ACSS1: variants seen among roughly 807,000 people sequenced by gnomAD.
The protein encoded by ACSS1 is acyl-CoA synthetase short chain family member 1, also known as acetyl-coenzyme A synthetase 2-like, mitochondrial.
In ACSS1, 42 loss-of-function variants were observed where a neutral mutation model predicts 75.3. That is an observed-to-expected ratio of 0.56 (90% CI 0.44 to 0.72). The LOEUF (loss-of-function observed/expected upper bound fraction) is 0.72, where lower values mean the gene tolerates loss of function less well. ACSS1 is among the 30% of genes least tolerant of loss of function. ACSS1 has a pLI of 0.00. For synonymous variants in ACSS1, 380 were observed against 376.8 expected, an observed-to-expected ratio of 1.01 and a Z score of -0.10; for missense variants, 782 against 935.7, an observed-to-expected ratio of 0.84 and a Z score of 2.14.
intron 2 of ACSS1, among the ~76,000 whole-genome samples, chr20:25,036,540 CTG>C (rs2088911202): frequency 6.6e-6 from 1 of 150,598 alleles, no homozygotes; most frequent in South Asian, 2.1e-4. Context: ...ATTTTTTCAT[CTG>C]TCTTTCAATC....
chr20:25,035,224 G>C (rs534580887), intron 2 of ACSS1, among the ~76,000 whole-genome samples: 1 of 152,108 alleles, frequency 6.6e-6, no homozygotes, highest in African/African-American at 2.4e-5. Context: ...ATACCTGACA[G>C]GTGGCTCAAA....
At chr20:25,026,716 A>G (rs1363167306) in intron 3 of ACSS1, among the ~76,000 whole-genome samples, 2 of 152,256 alleles carry the variant, frequency 1.3e-5, no homozygotes, top group Non-Finnish European at 2.9e-5. Flanking sequence ...AAACCAAAAC[A>G]GCCCCTCATT....
At position 25,017,906 on chromosome 20, in the gene ACSS1, G is replaced by C. The variant is rs1249160016; in HGVS notation, c.1246+2104C>G. Among the ~76,000 whole-genome samples, 3 of 152,218 alleles carry C rather than the reference G, an allele frequency of 2.0e-5. No individual in the cohort carries two copies. The East Asian group carries it at 5.8e-4, about 29-fold the overall frequency. On this transcript the variant is annotated intron_variant, in intron 7 of 13. Transcript: ENST00000323482. ...GCCTAGGGCCCACTCAGGTGGCCCT[G>C]CTGACAACACCTAGAGGATCTGGGC...
intron 7 of ACSS1, among the ~76,000 whole-genome samples, chr20:25,017,592 A>C (rs1272235068): frequency 1.3e-5 from 2 of 152,218 alleles, no homozygotes; most frequent in Non-Finnish European, 2.9e-5. Flanking sequence ...CAACAGGAAT[A>C]GGAATGTGCC....
Position 25,007,101 on chromosome 20 carries a change from A to C in ACSS1, c.*661T>G. 1 of 1,408,852 alleles carries C rather than the reference A, an allele frequency of 7.1e-7. No individual in the cohort carries two copies. The highest frequency in any genetic ancestry group is 9.2e-7 in the Non-Finnish European group (1 of 1,083,656). 87.3% of individuals were successfully genotyped at this position (1,408,852 alleles called of 1,614,324 possible). On this transcript the variant is annotated 3_prime_UTR_variant, in exon 14 of 14. Transcript: ENST00000323482. Reference sequence around the variant, plus strand: ...CACAGGAGAAACACTCACCAGGAAAAGATGCCGGAGGCTTGGAAGTTCTCA... The same window carrying C: ...CACAGGAGAAACACTCACCAGGAAACGATGCCGGAGGCTTGGAAGTTCTCA...
intron 9 of ACSS1, 46 bp downstream of exon 9, chr20:25,013,915 G>A: frequency 6.4e-7 from 1 of 1,571,936 alleles, no homozygotes; most frequent in Non-Finnish European, 8.7e-7. Flanking sequence ...GCAGGGACAA[G>A]GGAGGGCAAG....
intron 2 of ACSS1, chr20:25,032,281 G>T: frequency 8.5e-7 from 1 of 1,172,208 alleles, no homozygotes; most frequent in Non-Finnish European, 1.1e-6. Context: ...ATTGGCTCAG[G>T]GCCGACACGT....
At chr20:25,023,700 C>T in intron 3 of ACSS1, 59 bp from the exon 4 acceptor site, 1 of 1,473,634 alleles carries the variant, frequency 6.8e-7, no homozygotes, top group Non-Finnish European at 9.1e-7. Context: ...ACCCTCATAG[C>T]TCTGACTCAC....
intron 3 of ACSS1, among the ~76,000 whole-genome samples, chr20:25,026,928 A>C (rs2088729422): frequency 6.6e-6 from 1 of 152,246 alleles, no homozygotes; most frequent in South Asian, 2.1e-4. Context: ...CTAAATCCCC[A>C]CATGATGAAG....
intron 3 of ACSS1, among the ~76,000 whole-genome samples, chr20:25,025,732 C>G (rs1317997984): frequency 6.6e-6 from 1 of 152,184 alleles, no homozygotes; most frequent in Non-Finnish European, 1.5e-5. Flanking sequence ...TCAGCGACTA[C>G]AGCCACCACC....
At chr20:25,020,969 T>C (rs1006167246) in intron 6 of ACSS1, among the ~76,000 whole-genome samples, 14 of 152,238 alleles carry the variant, frequency 9.2e-5, no homozygotes, top group African/African-American at 2.9e-4. Flanking sequence ...TTCTAGGCCA[T>C]GCCTAACATG....
At chr20:25,047,723 G>C (rs2089118109) in intron 2 of ACSS1, among the ~76,000 whole-genome samples, 1 of 152,140 alleles carries the variant, frequency 6.6e-6, no homozygotes, top group South Asian at 2.1e-4. Context: ...AAGCAGCTTG[G>C]GGAAGGCCAG....
At chr20:25,033,749 A>G (rs1007881) in intron 2 of ACSS1, among the ~76,000 whole-genome samples, 49,748 of 152,120 alleles carry the variant, frequency 0.33, 8,921 homozygotes, top group African/African-American at 0.45. Flanking sequence ...GAGCAGCTCA[A>G]CTTGGTGGTA....
At chr20:25,013,868 C>T in intron 9 of ACSS1, 93 bp downstream of exon 9, 1 of 1,407,956 alleles carries the variant, frequency 7.1e-7, no homozygotes, top group Non-Finnish European at 9.8e-7. Flanking sequence ...CTGCCAGGTA[C>T]AGACCTGGGC....
chr20:25,055,513 C>T (rs1349478437), intron 1 of ACSS1, among the ~76,000 whole-genome samples: 1 of 152,214 alleles, frequency 6.6e-6, no homozygotes, highest in African/African-American at 2.4e-5. Flanking sequence ...CCTTCATCTG[C>T]CCTGGTTTGA....
In ACSS1 at chr20:25,030,923, G is replaced by A. The variant is rs749513175; in HGVS notation, c.467C>T (p.Thr156Met). The A allele has an allele frequency of 2.5e-5, 40 of 1,614,082 alleles. No homozygotes were observed. Among genetic ancestry groups the A allele is most frequent in the Middle Eastern group, 1.6e-4 (1 of 6,082 alleles). The part of the protein sequence containing the change: ...LLETTCRLAN[T>M]LKRHGVHRGD... ...ACGGTGGACTCCATGCCTCTTCAGC[G>A]TGTTGGCCAGGCGGCACGTGGTCTC... The change falls in exon 3 of 14, where the codon ACG (threonine) becomes ATG (methionine). Residue 156 changes from threonine to methionine, a missense_variant. This residue lies in a region of ACSS1 where 377 missense variants were observed against 383.1 expected (regional missense o/e 0.98). Coordinates refer to ENST00000323482, the MANE Select transcript of ACSS1 (RefSeq NM_032501.4).
chr20:25,051,175 C>G (rs2089169685), intron 1 of ACSS1, among the ~76,000 whole-genome samples: 1 of 152,228 alleles, frequency 6.6e-6, no homozygotes, highest in Non-Finnish European at 1.5e-5. Context: ...AAGGCGCTCA[C>G]TCTCCCGAGC....
chr20:25,055,536 A>C (rs1262241696), intron 1 of ACSS1, among the ~76,000 whole-genome samples: 1 of 152,218 alleles, frequency 6.6e-6, no homozygotes, highest in Non-Finnish European at 1.5e-5. Context: ...CGTACAGGCC[A>C]GTGGTTCTCA....
chr20:25,007,146 G>T lies in ACSS1; in HGVS notation c.*616C>A. 3 of 1,330,794 alleles carry T rather than the reference G, an allele frequency of 2.3e-6. No individual in the cohort carries two copies. The South Asian group carries it at 6.3e-5, about 28-fold the overall frequency. 82.4% of individuals were successfully genotyped at this position (1,330,794 alleles called of 1,614,324 possible). A position where few individuals can be genotyped will look rare whatever the true frequency, so the allele number is the denominator to read the frequency against. On this transcript the variant is annotated 3_prime_UTR_variant, in exon 14 of 14. Transcript: ENST00000323482. ...TTCTCAAGGGAACTGTTTAGACAGA[G>T]GTACAAACATCTCCAATTCAGACTT...
Sources: gnomAD v4.1 joint callset for allele counts (sites outside exome capture counted in the v4.1 genomes callset) on GRCh38, gnomAD v4.1.1 for gene constraint, gnomAD v4.1.1 regional missense constraint, MANE v1.5 for transcripts, NCBI Gene and HGNC (gene_info 2026-07-23, HGNC 2026-07-21) for gene names.